The following SLC6A3 variants were observed in gnomAD, a reference collection of about 807,000 sequenced individuals.
The protein encoded by SLC6A3 is sodium-dependent dopamine transporter.
A neutral mutation model predicts 70.4 loss-of-function variants in SLC6A3; 19 were observed. The observed-to-expected ratio is 0.27, with a 90% CI of 0.19 to 0.40. The LOEUF is 0.40. SLC6A3 is among the 10% of genes least tolerant of loss of function. SLC6A3 has a pLI of 1.00. For missense variants in SLC6A3, 613 were observed against 838.5 expected (o/e 0.73, Z 3.32); for synonymous variants, 368 against 356.6 (o/e 1.03, Z -0.36).
At chr5:1,426,712 A>G (rs780050167) in intron 4 of SLC6A3, among the ~76,000 whole-genome samples, 1 of 152,234 alleles carries the variant, frequency 6.6e-6, no homozygotes, top group Non-Finnish European at 1.5e-5. Flanking sequence ...AAGTGATTCT[A>G]CTCAGAGGAG....
At chr5:1,399,309 C>T (rs546870060) in intron 14 of SLC6A3, among the ~76,000 whole-genome samples, 29 of 152,102 alleles carry the variant, frequency 1.9e-4, no homozygotes, top group South Asian at 1.0e-3. Context: ...GAAAAAAATA[C>T]GGAATGTAGC....
chr5:1,441,796 C>G (rs188181404), intron 2 of SLC6A3, among the ~76,000 whole-genome samples: 2 of 152,156 alleles, frequency 1.3e-5, no homozygotes, highest in African/African-American at 4.8e-5. Context: ...TATCCTTCCC[C>G]GTGGTGGTTC....
Position 1,420,572 on chromosome 5 carries a change from C to T in SLC6A3, c.924G>A (p.Ala308=), listed in dbSNP as rs530952208. The stretch of plus-strand genomic sequence containing the variant: ...GCAGTGAGCAGACTGTACTCACAGA[C>T]GCCTCGCAGAGCCGGTAGAAGTCAA... ...LSVDFYRLCE[A]SVWIDAATQV... Residue 308 remains alanine (A), a synonymous_variant, in exon 6 of 15, where the codon GCG becomes GCA. Coordinates refer to ENST00000270349, the MANE Select transcript of SLC6A3 (RefSeq NM_001044.5). 2.5e-5 allele frequency: 41 copies of T among 1,613,284 alleles called. No homozygotes were observed. Among genetic ancestry groups the T allele is most frequent in the South Asian group, 5.5e-5 (5 of 91,082 alleles).
rs1560907784 is a variant in SLC6A3, at chr5:1,405,838, T to C, written c.1599+350A>G. The stretch of plus-strand genomic sequence containing the variant: ...CCTTTGTCCCCACTGCCCCGGAAGC[T>C]CTAACTTCGACCTTGATCCTCACAG... On this transcript the variant is annotated intron_variant, in intron 12 of 14. Coordinates refer to ENST00000270349, the MANE Select transcript of SLC6A3 (RefSeq NM_001044.5). This position sits in a 1 kb window ranked among gnomAD's most constrained non-coding sequence, Gnocchi z 5.3. Among the ~76,000 whole-genome samples the C allele has an allele frequency of 6.6e-6, 1 of 150,820 alleles. No homozygotes were observed. Among genetic ancestry groups the C allele is most frequent in the African/African-American group, 2.5e-5 (1 of 40,146 alleles).
In SLC6A3 at chr5:1,407,214, C is replaced by T. The variant is rs111893476; in HGVS notation, c.1499-926G>A. Among the ~76,000 whole-genome samples the T allele has an allele frequency of 2.6e-3, 389 of 152,298 alleles. 6 individuals carry two copies. The highest frequency in any genetic ancestry group is 3.6e-3 in the Admixed American group (55 of 15,292). ...GCCTGGTCTGTGACTCGTGTGACCG[C>T]GGCTGATCTGCTGAGATTTGGGGCA... On this transcript the variant is annotated intron_variant, in intron 11 of 14. Transcript: ENST00000270349.
In SLC6A3 at chr5:1,409,193, T is replaced by A. The variant is rs1756056150; in HGVS notation, c.1399-68A>T. 3.5e-6 allele frequency: 4 copies of A among 1,128,130 alleles called. No individual in the cohort carries two copies. The South Asian group carries it at 4.0e-5, about 11-fold the overall frequency. 69.9% of individuals were successfully genotyped at this position (1,128,130 alleles called of 1,614,324 possible). On this transcript the variant is annotated intron_variant, in intron 10 of 14. Transcript: ENST00000270349. ...CCAGAGGTAAACCCAGCCTGGGGAT[T>A]CACTGTGCACACAAATTGTTTCACT...
rs1464312713 is a variant in SLC6A3, at chr5:1,393,419, GT to G, written c.*1315del. The G allele has an allele frequency of 2.0e-5, 3 of 152,712 alleles. No individual in the cohort carries two copies. Among genetic ancestry groups the G allele is most frequent in the African/African-American group, 7.3e-5 (3 of 41,376 alleles). 9.5% of individuals were successfully genotyped at this position (152,712 alleles called of 1,614,324 possible). A position where few individuals can be genotyped will look rare whatever the true frequency, so the allele number is the denominator to read the frequency against. On this transcript the variant is annotated 3_prime_UTR_variant, in exon 15 of 15. Coordinates refer to ENST00000270349, the MANE Select transcript of SLC6A3 (RefSeq NM_001044.5). ...TCGCGGATACTGCATTCTTGAATTT[GT>G]TTTGATTCACAGGTAAATATGATTT... is the stretch of plus-strand genomic sequence containing the variant.
rs1755720072 is a variant in SLC6A3 at position 1,396,391 on chromosome 5, T to C, written c.1840-1633A>G. Among the ~76,000 whole-genome samples, 1 of 152,168 alleles carries C rather than the reference T, an allele frequency of 6.6e-6. No homozygotes were observed. ...GACACCAGACCGTAAGGGTCAGTGGTCCCTGAGGGAAGCCAACAAGGAGGC... is the reference window on the plus strand; with the variant it reads ...GACACCAGACCGTAAGGGTCAGTGGCCCCTGAGGGAAGCCAACAAGGAGGC... On this transcript the variant is annotated intron_variant, in intron 14 of 14. Coordinates refer to ENST00000270349, the MANE Select transcript of SLC6A3 (RefSeq NM_001044.5). The surrounding 1 kb of genome is among the most constrained non-coding windows in gnomAD (Gnocchi z 7.0).
intron 4 of SLC6A3, among the ~76,000 whole-genome samples, chr5:1,428,257 T>C (rs757652490): frequency 6.6e-6 from 1 of 152,110 alleles, no homozygotes; most frequent in African/African-American, 2.4e-5. Flanking sequence ...GTTAGTCAAA[T>C]AGAAATCAAA....
chr5:1,410,194 G>C (rs1380638546), intron 9 of SLC6A3, among the ~76,000 whole-genome samples: 1 of 152,196 alleles, frequency 6.6e-6, no homozygotes, highest in Non-Finnish European at 1.5e-5. Flanking sequence ...ATTTTCCTGA[G>C]CAAGATGCGT....
rs187971326 is a variant in SLC6A3, at chr5:1,424,110, G to A, written c.654-2096C>T. The stretch of plus-strand genomic sequence containing the variant: ...GTGCCTCCGTCCTATCCTGGAGGGC[G>A]CCCAGGCAGAGGCCCCAGGTTGGCA... On this transcript the variant is annotated intron_variant, in intron 4 of 14. Transcript: ENST00000270349. 5.9e-5 allele frequency among the ~76,000 whole-genome samples: 9 copies of A among 152,334 alleles called. No homozygotes were observed. The East Asian group carries it at 1.4e-3, about 23-fold the overall frequency.
rs1755750975 is a variant in SLC6A3 at position 1,397,581 on chromosome 5, T to A, written c.1840-2823A>T. 6.6e-6 allele frequency among the ~76,000 whole-genome samples: 1 copy of A among 152,104 alleles called. No homozygotes were observed. The highest frequency in any genetic ancestry group is 1.5e-5 in the Non-Finnish European group (1 of 68,022). ...ACAGAGCAGGCTCACAGGCCACACA[T>A]CTCAGCACAGCCACGGAACACTGCT... On this transcript the variant is annotated intron_variant, in intron 14 of 14. Transcript: ENST00000270349. This position sits in a 1 kb window ranked among gnomAD's most constrained non-coding sequence, Gnocchi z 4.7.
chr5:1,440,405 G>GGATGGGTGGATGAATGGATT (rs2126409998), intron 3 of SLC6A3, among the ~76,000 whole-genome samples: 1 of 152,260 alleles, frequency 6.6e-6, no homozygotes, highest in African/African-American at 2.4e-5. Context: ...ATGGATGACT[G>GGATGGGTGGATGAATGGATT]GATGGGTGGA....
intron 4 of SLC6A3, among the ~76,000 whole-genome samples, chr5:1,427,858 C>CTGAT (rs1756607924): frequency 6.6e-6 from 1 of 152,130 alleles, no homozygotes; most frequent in South Asian, 2.1e-4. Flanking sequence ...GAAGCAAATA[C>CTGAT]TGATAGAAGT....
At chr5:1,426,369 C>T (rs936575916) in intron 4 of SLC6A3, among the ~76,000 whole-genome samples, 2 of 152,032 alleles carry the variant, frequency 1.3e-5, no homozygotes, top group Non-Finnish European at 2.9e-5. Flanking sequence ...CAAGACCCCA[C>T]TTTACAAAAA....
Position 1,402,869 on chromosome 5 carries a change from A to G in SLC6A3, c.1767+53T>C. On this transcript the variant is annotated intron_variant, in intron 13 of 14. Transcript: ENST00000270349. The surrounding 1 kb of genome is among the most constrained non-coding windows in gnomAD (Gnocchi z 8.5). Reference sequence around the variant, plus strand: ...GGACTGGGGCCATGGACACCCACGGAGCCTTTCTGGTGGCCTCACACTCGG... The same window carrying G: ...GGACTGGGGCCATGGACACCCACGGGGCCTTTCTGGTGGCCTCACACTCGG... 4 of 1,582,626 alleles carry G rather than the reference A, an allele frequency of 2.5e-6. No individual in the cohort carries two copies. The highest frequency in any genetic ancestry group is 3.5e-6 in the Non-Finnish European group (4 of 1,157,770).
intron 4 of SLC6A3, among the ~76,000 whole-genome samples, chr5:1,427,359 C>T (rs1756595101): frequency 6.6e-6 from 1 of 152,106 alleles, no homozygotes; most frequent in South Asian, 2.1e-4. Flanking sequence ...CCTATAAAAT[C>T]CACGAAGAAA....
rs1368112668 is a variant in SLC6A3 at position 1,413,603 on chromosome 5, C to A, written c.1156+1088G>T. Among the ~76,000 whole-genome samples the A allele has an allele frequency of 6.6e-6, 1 of 152,180 alleles. No individual in the cohort carries two copies. The highest frequency in any genetic ancestry group is 1.9e-4 in the East Asian group (1 of 5,200). ...TCACAAATGTAGTGCCCCCACCCCA[C>A]CCCCGGAGAAGACAGTCCAGAGGAA... On this transcript the variant is annotated intron_variant, in intron 8 of 14. Coordinates refer to ENST00000270349, the MANE Select transcript of SLC6A3 (RefSeq NM_001044.5). This position sits in a 1 kb window ranked among gnomAD's most constrained non-coding sequence, Gnocchi z 7.1.
At chr5:1,426,044 T>TC in intron 4 of SLC6A3, among the ~76,000 whole-genome samples, 1 of 152,164 alleles carries the variant, frequency 6.6e-6, no homozygotes, top group South Asian at 2.1e-4. Context: ...TGTGGGGAAA[T>TC]CAGAACCCTT....
Sources: allele counts gnomAD v4.1 joint callset (sites outside exome capture counted in the v4.1 genomes callset), GRCh38; gene constraint gnomAD v4.1.1; non-coding constraint Gnocchi (gnomAD v3.1); transcripts MANE v1.5; gene names NCBI Gene and HGNC (gene_info 2026-07-23, HGNC 2026-07-21).